The following BNC2 variants were observed in gnomAD, a reference collection of about 807,000 sequenced individuals.
BNC2 encodes the protein basonuclin zinc finger protein 2.
Under a neutral mutation model 76.3 loss-of-function variants are expected in BNC2, and 20 were observed. The observed-to-expected ratio is 0.26, with a 90% CI of 0.18 to 0.38. The LOEUF is 0.38. Among genes scored for constraint, BNC2 ranks in the 10% least tolerant of loss-of-function variants. BNC2 has a pLI of 1.00. For missense variants in BNC2, 1,382 were observed against 1,399.8 expected (o/e 0.99, Z 0.20); for synonymous variants, 582 against 514.8 (o/e 1.13, Z -1.77).
chr9:16,521,018 G>A (rs892237544), intron 5 of BNC2, among the ~76,000 whole-genome samples: 5 of 152,124 alleles, frequency 3.3e-5, no homozygotes, highest in African/African-American at 1.2e-4. Flanking sequence ...CAATCCCAAG[G>A]GAACTGTGGG....
At chr9:16,490,012 C>T (rs920012386) in intron 5 of BNC2, among the ~76,000 whole-genome samples, 2 of 152,146 alleles carry the variant, frequency 1.3e-5, no homozygotes, top group African/African-American at 2.4e-5. Context: ...AAACAATACA[C>T]GGATCTTTCT....
At chr9:16,869,115 C>T (rs1042299128) in intron 1 of BNC2, among the ~76,000 whole-genome samples, 1 of 152,076 alleles carries the variant, frequency 6.6e-6, no homozygotes. Flanking sequence ...GTGTAAAACG[C>T]CCGTTAGAAG....
At chr9:16,854,650 G>C (rs993541889) in intron 1 of BNC2, among the ~76,000 whole-genome samples, 1 of 151,858 alleles carries the variant, frequency 6.6e-6, no homozygotes, top group Non-Finnish European at 1.5e-5. Flanking sequence ...AAGAAAATTT[G>C]AAACGAGTGA....
intron 5 of BNC2, among the ~76,000 whole-genome samples, chr9:16,477,565 T>C (rs181027568): frequency 6.6e-6 from 1 of 152,362 alleles, no homozygotes; most frequent in African/African-American, 2.4e-5. Context: ...AATTTTTAGC[T>C]ATTTCTTCTT....
At chr9:16,842,184 C>G (rs1818847934) in intron 1 of BNC2, among the ~76,000 whole-genome samples, 1 of 152,138 alleles carries the variant, frequency 6.6e-6, no homozygotes, top group Admixed American at 6.6e-5. Flanking sequence ...AACATATGAA[C>G]CTCCACTATG....
intron 5 of BNC2, among the ~76,000 whole-genome samples, chr9:16,437,858 T>C (rs971819555): frequency 2.6e-5 from 4 of 152,204 alleles, no homozygotes; most frequent in African/African-American, 7.2e-5. Flanking sequence ...ATTTAGCATA[T>C]ATTAGTATAA....
chr9:16,851,017 C>CT lies in BNC2; in HGVS notation c.3+19628dup, dbSNP rs1178325668. 3.3e-5 allele frequency among the ~76,000 whole-genome samples: 5 copies of CT among 151,954 alleles called. No individual in the cohort carries two copies. In the East Asian group the frequency reaches 9.7e-4, roughly 29 times the overall value. On this transcript the variant is annotated intron_variant, in intron 1 of 6. Transcript: ENST00000380672. ...AGCATTTTAAGCTATGACACCATCA[C>CT]TGCATCATCTTCTAGGGTGACTATT...
At chr9:16,727,535 A>G in intron 3 of BNC2, 1 of 490,020 alleles carries the variant, frequency 2.0e-6, no homozygotes, top group Non-Finnish European at 3.6e-6. Flanking sequence ...CCCAGATTGT[A>G]CTGTGAAACT....
chr9:16,807,443 T>A (rs1234854722), intron 1 of BNC2, among the ~76,000 whole-genome samples: 1 of 152,178 alleles, frequency 6.6e-6, no homozygotes, highest in Non-Finnish European at 1.5e-5. Flanking sequence ...CTACAAAATA[T>A]ATCCTGTTTT....
At chr9:16,865,597 T>C (rs1245441696) in intron 1 of BNC2, among the ~76,000 whole-genome samples, 4 of 152,128 alleles carry the variant, frequency 2.6e-5, no homozygotes, top group South Asian at 2.1e-4. Context: ...TTGTATTCCT[T>C]AGGAAGTTTA....
intron 1 of BNC2, among the ~76,000 whole-genome samples, chr9:16,844,716 C>G (rs1818924154): frequency 6.6e-6 from 1 of 152,108 alleles, no homozygotes; most frequent in South Asian, 2.1e-4. Context: ...CCAGGCTGGT[C>G]TCGGACTCCT....
At chr9:16,609,326 T>G (rs574670375) in intron 3 of BNC2, among the ~76,000 whole-genome samples, 2 of 152,120 alleles carry the variant, frequency 1.3e-5, no homozygotes, top group South Asian at 4.1e-4. Context: ...ATAAGCAATT[T>G]CCAATAGAGG....
rs1820497485 is a variant in BNC2 at position 16,412,764 on chromosome 9, A to ACT, written c.*6224_*6225insAG. 2.6e-5 allele frequency: 3 copies of ACT among 115,944 alleles called. No homozygotes were observed. Among genetic ancestry groups the ACT allele is most frequent in the South Asian group, 5.7e-4 (2 of 3,492 alleles). 7.2% of individuals were successfully genotyped at this position (115,944 alleles called of 1,614,324 possible). On this transcript the variant is annotated 3_prime_UTR_variant, in exon 7 of 7. Transcript: ENST00000380672. ...GAGAGAGAGAGAGAGAGAGAGAGAG[A>ACT]GACTGACTGATTGTGGATGTGTGTG...
intron 3 of BNC2, among the ~76,000 whole-genome samples, chr9:16,617,328 T>C (rs889010999): frequency 1.3e-5 from 2 of 152,112 alleles, no homozygotes; most frequent in African/African-American, 2.4e-5. Context: ...AAAAATACAA[T>C]TGAAAACATC....
chr9:16,786,931 G>A (rs538476624), intron 1 of BNC2, among the ~76,000 whole-genome samples: 1 of 152,216 alleles, frequency 6.6e-6, no homozygotes, highest in African/African-American at 2.4e-5. Flanking sequence ...TAGTGGGAAG[G>A]GACTGGAAAG....
At chr9:16,502,590 T>A (rs1822544382) in intron 5 of BNC2, among the ~76,000 whole-genome samples, 1 of 152,144 alleles carries the variant, frequency 6.6e-6, no homozygotes, top group African/African-American at 2.4e-5. Context: ...AATGGCTTAC[T>A]TGAAGAATAT....
Position 16,452,083 on chromosome 9 carries a change from A to G in BNC2, c.670-14559T>C, listed in dbSNP as rs1821352311. 2.0e-5 allele frequency among the ~76,000 whole-genome samples: 3 copies of G among 152,210 alleles called. No individual in the cohort carries two copies. The South Asian group carries it at 6.2e-4, about 32-fold the overall frequency. ...AATGTAAACTAGTTCCCCAGGACCA[A>G]TGGTGCAGGGAGGCAGCATCATTAC... is the stretch of plus-strand genomic sequence containing the variant. On this transcript the variant is annotated intron_variant, in intron 5 of 6. Coordinates refer to ENST00000380672, the MANE Select transcript of BNC2 (RefSeq NM_017637.6).
chr9:16,619,808 G>A (rs981396724), intron 3 of BNC2, among the ~76,000 whole-genome samples: 2 of 152,102 alleles, frequency 1.3e-5, no homozygotes, highest in African/African-American at 2.4e-5. Context: ...ATAGATCACT[G>A]AAAAATGTGA....
At chr9:16,685,879 A>G (rs905545732) in intron 3 of BNC2, among the ~76,000 whole-genome samples, 3 of 152,238 alleles carry the variant, frequency 2.0e-5, no homozygotes, top group African/African-American at 7.2e-5. Context: ...TTGTATTCAC[A>G]GCAGGTAGCA....
Sources: gnomAD v4.1 joint callset for allele counts (sites outside exome capture counted in the v4.1 genomes callset) on GRCh38, gnomAD v4.1.1 for gene constraint, MANE v1.5 for transcripts, NCBI Gene and HGNC (gene_info 2026-07-23, HGNC 2026-07-21) for gene names.